The following COL5A1 variants were observed in gnomAD, a reference collection of about 807,000 sequenced individuals.
COL5A1 encodes the protein collagen type V alpha 1 chain, also known as collagen alpha-1(V) chain.
Under a neutral mutation model 263.7 loss-of-function variants are expected in COL5A1, and 16 were observed. That is an observed-to-expected ratio of 0.06 (90% CI 0.04 to 0.09). The LOEUF (loss-of-function observed/expected upper bound fraction) is 0.09, where lower values mean the gene tolerates loss of function less well. COL5A1 is among the 10% of genes least tolerant of loss of function. The probability of loss-of-function intolerance (pLI) is 1.00; values close to 1 mark genes in which losing one functional copy is unlikely to be tolerated. For missense variants in COL5A1, 2,036 were observed against 2,540.5 expected, an observed-to-expected ratio of 0.80 and a Z score of 4.27; for synonymous variants, 1,012 against 1,004.5, an observed-to-expected ratio of 1.01 and a Z score of -0.14.
chr9:134,700,062 C>A lies in COL5A1; in HGVS notation c.431C>A (p.Thr144Lys), dbSNP rs561761305. The change falls in exon 3 of 66, where the codon ACG (threonine) becomes AAG (lysine). Residue 144 changes from threonine to lysine, a missense_variant. Around this residue, in one of 3 missense-constraint regions of COL5A1, gnomAD observed 600 missense variants for 634.5 expected, o/e 0.95. Transcript: ENST00000371817. This position sits in a 1 kb window ranked among gnomAD's most constrained non-coding sequence, Gnocchi z 4.0. ...RSPVFLYEDHTGKPGPEDYPL... is the reference protein window; with the variant it reads ...RSPVFLYEDHKGKPGPEDYPL... ...CCCGTCTTCCTCTACGAGGACCACA[C>A]GGGGAAGCCTGGCCCGGAAGACTAC... 3.3e-5 allele frequency: 53 copies of A among 1,612,772 alleles called. No individual in the cohort carries two copies. The Middle Eastern group carries it at 4.9e-4, about 15-fold the overall frequency.
intron 24 of COL5A1, among the ~76,000 whole-genome samples, chr9:134,767,881 G>A (rs993759791): frequency 1.3e-5 from 2 of 152,168 alleles, no homozygotes. Flanking sequence ...ACCTCCAAGG[G>A]GCTGGTTCTG....
chr9:134,818,615 C>G lies in COL5A1; in HGVS notation c.4231-41C>G, dbSNP rs1204128548. On this transcript the variant is annotated intron_variant, in intron 54 of 65. Coordinates refer to ENST00000371817, the MANE Select transcript of COL5A1 (RefSeq NM_000093.5). This position sits in a 1 kb window ranked among gnomAD's most constrained non-coding sequence, Gnocchi z 6.0. ...GGTCCTGGGCCAGGGTGCCTGGAGC[C>G]TAGAGCTCCGGACCTCATTCTGCCC... The G allele has an allele frequency of 2.0e-6, 3 of 1,487,974 alleles. No homozygotes were observed. The highest frequency in any genetic ancestry group is 1.9e-6 in the Non-Finnish European group (2 of 1,079,336). 92.2% of individuals were successfully genotyped at this position (1,487,974 alleles called of 1,614,324 possible).
chr9:134,797,059 A>T (rs1159854958), intron 36 of COL5A1, among the ~76,000 whole-genome samples, 158 bp downstream of exon 36: 1 of 152,184 alleles, frequency 6.6e-6, no homozygotes, highest in Non-Finnish European at 1.5e-5. Context: ...GGCTGGTCAG[A>T]TGAGGGGGAG....
chr9:134,787,850 C>T (rs1452083434), intron 31 of COL5A1, among the ~76,000 whole-genome samples: 3 of 152,208 alleles, frequency 2.0e-5, no homozygotes, highest in East Asian at 3.8e-4. Context: ...AGCCACCCTC[C>T]TATGGATATG....
intron 27 of COL5A1, 30 bp downstream of exon 27, chr9:134,774,942 T>A: frequency 1.2e-6 from 2 of 1,604,774 alleles, no homozygotes; most frequent in Non-Finnish European, 1.7e-6. Flanking sequence ...CTCCAGGTCG[T>A]CCTGGAGGTC....
chr9:134,838,063 C>G (rs1022492019), intron 65 of COL5A1, among the ~76,000 whole-genome samples: 5 of 152,222 alleles, frequency 3.3e-5, no homozygotes, highest in Non-Finnish European at 7.3e-5. Context: ...GAACTGGGCT[C>G]AAGTCTACTT....
chr9:134,683,068 G>C (rs575513344), intron 1 of COL5A1, among the ~76,000 whole-genome samples: 1 of 152,348 alleles, frequency 6.6e-6, no homozygotes, highest in Admixed American at 6.5e-5. Context: ...CCTCCCCTCT[G>C]TTCACAGCTT....
At chr9:134,712,896 C>T in intron 4 of COL5A1, among the ~76,000 whole-genome samples, 1 of 152,058 alleles carries the variant, frequency 6.6e-6, no homozygotes, top group Non-Finnish European at 1.5e-5. Flanking sequence ...AGCCCATACC[C>T]ATCCTGGCTC....
At chr9:134,655,098 TGTGTGTAGGGCTGGGG>T (rs1299291993) in intron 1 of COL5A1, among the ~76,000 whole-genome samples, 1 of 42,704 alleles carries the variant, frequency 2.3e-5, no homozygotes, top group East Asian at 6.6e-4. Flanking sequence ...GTAGGGCTGG[TGTGTGTAGGGCTGGGG>T]GTGTGTAGGG....
intron 37 of COL5A1, 104 bp from the exon 38 acceptor site, chr9:134,801,850 T>TG: frequency 1.0e-6 from 1 of 957,404 alleles, no homozygotes. Context: ...ACATCTACTC[T>TG]GGGGGGAAGG....
chr9:134,723,732 G>T (rs760903420), intron 4 of COL5A1, among the ~76,000 whole-genome samples: 2 of 152,230 alleles, frequency 1.3e-5, no homozygotes, highest in Non-Finnish European at 2.9e-5. Context: ...GAAGGGCTGT[G>T]GCCAGGCTAT....
intron 2 of COL5A1, among the ~76,000 whole-genome samples, chr9:134,695,357 C>T (rs1260284862): frequency 5.3e-5 from 8 of 152,272 alleles, no homozygotes; most frequent in South Asian, 2.1e-4. Flanking sequence ...TGCTGCCCCT[C>T]GCTGCCCCCG....
chr9:134,790,605 CCCATCCAT>C (rs58733002), intron 32 of COL5A1, among the ~76,000 whole-genome samples: 309 of 84,538 alleles, frequency 3.7e-3, no homozygotes, highest in Non-Finnish European at 4.7e-3. Context: ...CATCCACCCA[CCCATCCAT>C]CCATCCATCC....
chr9:134,670,155 A>T (rs1832495934), intron 1 of COL5A1, among the ~76,000 whole-genome samples: 1 of 152,106 alleles, frequency 6.6e-6, no homozygotes, highest in African/African-American at 2.4e-5. Context: ...GCATGTTTGT[A>T]TCATAGTTTT....
intron 25 of COL5A1, among the ~76,000 whole-genome samples, chr9:134,771,495 C>T (rs1836864658): frequency 6.6e-6 from 1 of 152,202 alleles, no homozygotes. Flanking sequence ...GAACTTTGCG[C>T]CCTCCCACTC....
chr9:134,837,618 G>A (rs1052019640), intron 65 of COL5A1, among the ~76,000 whole-genome samples: 4 of 151,804 alleles, frequency 2.6e-5, no homozygotes, highest in African/African-American at 9.7e-5. Context: ...TCCTGGGATA[G>A]GGTCAAGCTG....
intron 44 of COL5A1, 193 bp downstream of exon 44, chr9:134,810,501 C>T: frequency 1.7e-6 from 1 of 600,216 alleles, no homozygotes; most frequent in Non-Finnish European, 3.0e-6. Context: ...GGGAGTGAGT[C>T]TCTCTGTGTT....
chr9:134,724,951 G>T (rs183601648), intron 4 of COL5A1, among the ~76,000 whole-genome samples: 128 of 152,254 alleles, frequency 8.4e-4, no homozygotes, highest in African/African-American at 3.0e-3. Context: ...TCCAGATGGG[G>T]TTGGGCACCC....
rs576022233 is a variant in COL5A1 at position 134,723,772 on chromosome 9, G to A, written c.655-3494G>A. ...CAGTAGTGCCGAGAAAGGTGGGTCC[G>A]TCTGCCTCTGACCCAGAGGCAGGTA... On this transcript the variant is annotated intron_variant, in intron 4 of 65. Coordinates refer to ENST00000371817, the MANE Select transcript of COL5A1 (RefSeq NM_000093.5). Among the ~76,000 whole-genome samples the A allele has an allele frequency of 9.8e-5, 15 of 152,316 alleles. No homozygotes were observed. The East Asian group carries it at 1.5e-3, about 16-fold the overall frequency.
Sources: allele counts gnomAD v4.1 joint callset (sites outside exome capture counted in the v4.1 genomes callset), GRCh38; gene constraint gnomAD v4.1.1; regional missense constraint gnomAD v4.1.1; non-coding constraint Gnocchi (gnomAD v3.1); transcripts MANE v1.5; gene names NCBI Gene and HGNC (gene_info 2026-07-23, HGNC 2026-07-21).